The following RNF121 variants were observed in gnomAD, a reference collection of about 807,000 sequenced individuals.
RNF121 encodes E3 ubiquitin ligase RNF121.
In RNF121, 21 loss-of-function variants were observed where a neutral mutation model predicts 46.5. The observed-to-expected ratio is 0.45, with a 90% CI of 0.32 to 0.65. The LOEUF (loss-of-function observed/expected upper bound fraction) is 0.65, where lower values mean the gene tolerates loss of function less well. Among genes scored for constraint, RNF121 ranks in the 30% least tolerant of loss-of-function variants. The pLI is 0.04. For missense variants in RNF121, 346 were observed against 416.0 expected (o/e 0.83, Z 1.46); for synonymous variants, 139 against 144.7 (o/e 0.96, Z 0.28).
At chr11:71,931,125 G>A (rs1465699238) in intron 1 of RNF121, among the ~76,000 whole-genome samples, 1 of 152,134 alleles carries the variant, frequency 6.6e-6, no homozygotes, top group African/African-American at 2.4e-5. Context: ...GTGAGTCACC[G>A]CGCCCGGCTA....
intron 1 of RNF121, among the ~76,000 whole-genome samples, chr11:71,929,546 G>C (rs1205334975): frequency 6.6e-6 from 1 of 152,144 alleles, no homozygotes; most frequent in East Asian, 1.9e-4. Context: ...CACAGACCGG[G>C]AAAGAGTGCT....
chr11:71,983,202 G>GT (rs967110036), intron 4 of RNF121: 5 of 253,286 alleles, frequency 2.0e-5, no homozygotes, highest in African/African-American at 1.1e-4. Flanking sequence ...CATTTTAAAT[G>GT]TTTTCTTCTA....
intron 1 of RNF121, among the ~76,000 whole-genome samples, chr11:71,946,028 T>C (rs1277499552): frequency 6.6e-6 from 1 of 151,976 alleles, no homozygotes. Flanking sequence ...GGAGTATCAC[T>C]TGAGCCCAGG....
intron 3 of RNF121, among the ~76,000 whole-genome samples, chr11:71,981,744 C>T (rs1415490647): frequency 1.3e-5 from 2 of 152,108 alleles, no homozygotes; most frequent in Non-Finnish European, 2.9e-5. Context: ...CTGAGGGAGT[C>T]CTACTCTAGT....
At chr11:71,963,731 A>G (rs1004329882) in intron 3 of RNF121, among the ~76,000 whole-genome samples, 1 of 152,222 alleles carries the variant, frequency 6.6e-6, no homozygotes, top group Non-Finnish European at 1.5e-5. Context: ...GCATGTGGAT[A>G]GCCAGTTGTC....
Position 71,991,707 on chromosome 11 carries a change from T to G in RNF121, c.627+990T>G, listed in dbSNP as rs182359067. Reference sequence around the variant, plus strand: ...AAGAGTCCTGTCACGGGAGAAAGTGTGGGTGTTTTTGAGGAACTAAGACCA... The same window carrying G: ...AAGAGTCCTGTCACGGGAGAAAGTGGGGGTGTTTTTGAGGAACTAAGACCA... On this transcript the variant is annotated intron_variant, in intron 6 of 8. Coordinates refer to ENST00000361756, the MANE Select transcript of RNF121 (RefSeq NM_018320.5). Among the ~76,000 whole-genome samples the G allele has an allele frequency of 2.6e-5, 4 of 152,122 alleles. No individual in the cohort carries two copies. In the East Asian group the frequency reaches 7.7e-4, roughly 29 times the overall value.
intron 1 of RNF121, among the ~76,000 whole-genome samples, chr11:71,942,770 C>T (rs1159282151): frequency 4.3e-5 from 1 of 22,994 alleles, no homozygotes; most frequent in African/African-American, 7.9e-5. Flanking sequence ...ATCTATATAT[C>T]TGTATATATA....
At chr11:71,934,781 T>C (rs1226295383) in intron 1 of RNF121, among the ~76,000 whole-genome samples, 1 of 152,042 alleles carries the variant, frequency 6.6e-6, no homozygotes, top group East Asian at 1.9e-4. Context: ...GAATAGCAGA[T>C]TTGTTTTATC....
chr11:71,975,257 A>G (rs1954504880), intron 3 of RNF121, among the ~76,000 whole-genome samples: 1 of 152,234 alleles, frequency 6.6e-6, no homozygotes, highest in Non-Finnish European at 1.5e-5. Flanking sequence ...ATGAGAAGGA[A>G]AAACTTCTAT....
chr11:71,990,772 G>C, intron 6 of RNF121, 55 bp downstream of exon 6: 1 of 1,600,278 alleles, frequency 6.2e-7, no homozygotes, highest in East Asian at 2.2e-5. Flanking sequence ...AATTGCTCAA[G>C]TTGATGTCAC....
intron 3 of RNF121, among the ~76,000 whole-genome samples, chr11:71,967,340 G>GT (rs1337661759): frequency 1.4e-5 from 2 of 138,620 alleles, no homozygotes; most frequent in African/African-American, 5.3e-5. Flanking sequence ...AATTATGTGG[G>GT]TTTTTTTTGT....
At position 71,985,058 on chromosome 11, in the gene RNF121, A is replaced by G. The variant is rs757730099; in HGVS notation, c.399-1946A>G. On this transcript the variant is annotated intron_variant, in intron 4 of 8. Transcript: ENST00000361756. ...CATCTCAGTCTCTGTAGTAGCTGGG[A>G]CTACAGGCATGCTCCACCTTGTCTG... 3.3e-5 allele frequency among the ~76,000 whole-genome samples: 5 copies of G among 152,094 alleles called. No individual in the cohort carries two copies. In the East Asian group the frequency reaches 9.6e-4, roughly 29 times the overall value.
intron 1 of RNF121, among the ~76,000 whole-genome samples, chr11:71,943,682 G>C (rs1263163136): frequency 1.3e-5 from 2 of 152,208 alleles, no homozygotes; most frequent in Non-Finnish European, 2.9e-5. Context: ...TGAAGAAGCA[G>C]AGATTTCAGG....
intron 3 of RNF121, among the ~76,000 whole-genome samples, chr11:71,968,312 G>A (rs900303430): frequency 5.9e-5 from 9 of 152,186 alleles, no homozygotes; most frequent in Admixed American, 5.2e-4. Flanking sequence ...AAACTGCCTC[G>A]GCCTCGCAAA....
chr11:71,956,511 G>A (rs1181425467), intron 1 of RNF121, among the ~76,000 whole-genome samples: 1 of 152,204 alleles, frequency 6.6e-6, no homozygotes, highest in Non-Finnish European at 1.5e-5. Context: ...GAAAAGATAA[G>A]ACTACCAAAT....
At chr11:71,943,952 A>G (rs1291126168) in intron 1 of RNF121, among the ~76,000 whole-genome samples, 1 of 152,208 alleles carries the variant, frequency 6.6e-6, no homozygotes, top group African/African-American at 2.4e-5. Context: ...AGGGAGGCAG[A>G]TGTGATGACA....
chr11:71,958,717 T>C (rs555239532), intron 2 of RNF121, among the ~76,000 whole-genome samples: 2 of 152,222 alleles, frequency 1.3e-5, no homozygotes, highest in South Asian at 4.1e-4. Context: ...AAAAATAATA[T>C]ATGTATATGT....
At chr11:71,944,068 A>G (rs1953655260) in intron 1 of RNF121, among the ~76,000 whole-genome samples, 1 of 152,174 alleles carries the variant, frequency 6.6e-6, no homozygotes, top group Non-Finnish European at 1.5e-5. Context: ...ACGGTAACTC[A>G]TGTCTGTAAT....
Position 71,996,801 on chromosome 11 carries a change from C to T in RNF121, c.*486C>T, listed in dbSNP as rs1372845036. On this transcript the variant is annotated 3_prime_UTR_variant, in exon 9 of 9. Transcript: ENST00000361756. ...CTCAGGCTTGTGCCACGGGTGAGCA[C>T]TGAGGCCCCAGGTGTCCTCCCTCCC... 6.3e-6 allele frequency: 1 copy of T among 159,268 alleles called. No homozygotes were observed. The highest frequency in any genetic ancestry group is 1.4e-5 in the Non-Finnish European group (1 of 71,624). The allele number at this position is 159,268 out of a possible 1,614,324, so 9.9% of individuals were successfully genotyped here. A position where few individuals can be genotyped will look rare whatever the true frequency, so the allele number is the denominator to read the frequency against.
Sources: gnomAD v4.1 joint callset for allele counts (sites outside exome capture counted in the v4.1 genomes callset) on GRCh38, gnomAD v4.1.1 for gene constraint, MANE v1.5 for transcripts, NCBI Gene and HGNC (gene_info 2026-07-23, HGNC 2026-07-21) for gene names.